SLC52A3: variants seen among roughly 807,000 people sequenced by gnomAD.
The protein encoded by SLC52A3 is solute carrier family 52, riboflavin transporter, member 3.
A neutral mutation model predicts 29.5 loss-of-function variants in SLC52A3; 20 were observed. That is an observed-to-expected ratio of 0.68 (90% CI 0.48 to 0.99). SLC52A3 has a LOEUF of 0.99. Among genes scored for constraint, SLC52A3 ranks in the 50% least tolerant of loss-of-function variants. SLC52A3 has a pLI of 0.00. For missense variants in SLC52A3, 548 were observed against 612.9 expected, an observed-to-expected ratio of 0.89 and a Z score of 1.12; for synonymous variants, 301 against 271.0, an observed-to-expected ratio of 1.11 and a Z score of -1.09.
At position 765,595 on chromosome 20, in the gene SLC52A3, C is replaced by T; in HGVS notation, c.180G>A (p.Leu60=). The change falls in exon 2 of 5, where the codon CTG becomes CTA. Residue 60 remains leucine (L), a synonymous_variant. Coordinates refer to ENST00000645534, the MANE Select transcript of SLC52A3 (RefSeq NM_033409.4). This position sits in a 1 kb window ranked among gnomAD's most constrained non-coding sequence, Gnocchi z 6.6. ...GGCAGCTGGGCCGGAAGTGATGGAG[C>T]AGGGTGACCAGGAGGGGCCCGATGT... The part of the protein sequence containing the change: ...LANIGPLLVT[L]LHHFRPSCLS... The T allele has an allele frequency of 6.3e-7, 1 of 1,592,546 alleles. No homozygotes were observed. Among genetic ancestry groups the T allele is most frequent in the Non-Finnish European group, 8.5e-7 (1 of 1,170,144 alleles).
rs1568715588 is a variant in SLC52A3, at chr20:760,795, A to G, written c.*231T>C. 1 of 579,168 alleles carries G rather than the reference A, an allele frequency of 1.7e-6. No individual in the cohort carries two copies. The highest frequency in any genetic ancestry group is 3.1e-6 in the Non-Finnish European group (1 of 325,932). The allele number at this position is 579,168 out of a possible 1,614,324, so 35.9% of individuals were successfully genotyped here. On this transcript the variant is annotated 3_prime_UTR_variant, in exon 5 of 5. Coordinates refer to ENST00000645534, the MANE Select transcript of SLC52A3 (RefSeq NM_033409.4). This position sits in a 1 kb window ranked among gnomAD's most constrained non-coding sequence, Gnocchi z 4.9. ...GCAAATCAGTCCTCTCTTGAGAGTC[A>G]AAGCAAAGGAGATCTGAGCTGGTCG...
At chr20:776,024 CCCCG>C (rs1488243177), upstream of SLC52A3, 2 of 152,466 alleles carry the variant, frequency 1.3e-5, no homozygotes, top group Admixed American at 1.3e-4. Context: ...ATAAAGCTGT[CCCCG>C]CCCAGAGCTC....
upstream of SLC52A3, chr20:768,666 T>C (rs1461353032): frequency 2.0e-5 from 3 of 152,244 alleles, no homozygotes; most frequent in Non-Finnish European, 4.4e-5. Context: ...TTTTCCTCTC[T>C]GGGAGGAGCC....
upstream of SLC52A3, among the ~76,000 whole-genome samples, chr20:778,692 TGA>T (rs1428815251): frequency 1.3e-5 from 2 of 151,878 alleles, no homozygotes; most frequent in African/African-American, 4.8e-5. Context: ...TTGCAGAGTG[TGA>T]GTTATGTGGC....
In SLC52A3 at chr20:765,262, C is replaced by T. The variant is rs997128771; in HGVS notation, c.513G>A (p.Glu171=). The T allele has an allele frequency of 6.2e-6, 10 of 1,614,056 alleles. No individual in the cohort carries two copies. The African/African-American group carries it at 8.0e-5, about 13-fold the overall frequency. ...SGLTTCVNVT[E]ISDSVPSPVP... ...CAGGGCTTGGTACGCTGTCTGATAT[C>T]TCAGTGACATTGACGCAGGTAGTGA... Residue 171 remains glutamate, a synonymous_variant, in exon 2 of 5, where the codon GAG becomes GAA. Transcript: ENST00000645534. This position sits in a 1 kb window ranked among gnomAD's most constrained non-coding sequence, Gnocchi z 6.6.
At position 760,848 on chromosome 20, in the gene SLC52A3, G is replaced by A. The variant is rs1986433158; in HGVS notation, c.*178C>T. ...ACAGGTAGTGTGACACAGAGTTGGG[G>A]ATAGAGCCGCACCTTGCATTTCCAG... On this transcript the variant is annotated 3_prime_UTR_variant, in exon 5 of 5. Transcript: ENST00000645534. The surrounding 1 kb of genome is among the most constrained non-coding windows in gnomAD (Gnocchi z 4.9). The A allele has an allele frequency of 4.7e-6, 3 of 638,420 alleles. No homozygotes were observed. The South Asian group carries it at 5.7e-5, about 12-fold the overall frequency. 39.5% of individuals were successfully genotyped at this position (638,420 alleles called of 1,614,324 possible).
intron 4 of SLC52A3, 34 bp from the exon 5 acceptor site, chr20:761,272 C>T (rs1451158007): frequency 2.0e-6 from 3 of 1,524,876 alleles, no homozygotes; most frequent in African/African-American, 1.4e-5. Context: ...TGCAGAGTCA[C>T]GGGGCTTGCG....
chr20:761,771 T>TA lies in SLC52A3; in HGVS notation c.1126dup (p.Tyr376LeufsTer131). Reference sequence around the variant, plus strand: ...GCTCATCACCGCCATGGCCATGTTGTAGCCCCCAAAGCAGGTCCCAAGCAC... The same window carrying TA: ...GCTCATCACCGCCATGGCCATGTTGTAAGCCCCCAAAGCAGGTCCCAAGCAC... On this transcript the variant is annotated frameshift_variant, in exon 4 of 5. Coordinates refer to ENST00000645534, the MANE Select transcript of SLC52A3 (RefSeq NM_033409.4). LOFTEE classifies it high-confidence loss of function. The TA allele has an allele frequency of 7.4e-6, 12 of 1,614,130 alleles. No homozygotes were observed. The highest frequency in any genetic ancestry group is 9.3e-6 in the Non-Finnish European group (11 of 1,179,988).
In SLC52A3 at chr20:763,650, C is replaced by T. The variant is rs1229634089; in HGVS notation, c.921G>A (p.Val307=). ...CGTTGGTGAGCGCGTTGACGAAGGCCACCAGGGTATAGATGAAGGCCAGGT... is the reference window on the plus strand; with the variant it reads ...CGTTGGTGAGCGCGTTGACGAAGGCTACCAGGGTATAGATGAAGGCCAGGT... ...PAHLAFIYTL[V]AFVNALTNGM... The change falls in exon 3 of 5, where the codon GTG becomes GTA. Residue 307 remains valine, a synonymous_variant. Transcript: ENST00000645534. 1.9e-6 allele frequency: 3 copies of T among 1,614,034 alleles called. No individual in the cohort carries two copies. The highest frequency in any genetic ancestry group is 3.3e-5 in the Admixed American group (2 of 60,010).
chr20:776,770 G>A (rs1362861995), upstream of SLC52A3, among the ~76,000 whole-genome samples: 1 of 151,846 alleles, frequency 6.6e-6, no homozygotes, highest in Non-Finnish European at 1.5e-5. Context: ...GGGGTGGCCA[G>A]GTAACAGGTG....
upstream of SLC52A3, among the ~76,000 whole-genome samples, chr20:779,297 G>A (rs1333050370): frequency 6.6e-6 from 1 of 152,164 alleles, no homozygotes; most frequent in Admixed American, 6.5e-5. Flanking sequence ...TTATAAAAGG[G>A]AATTTATGCA....
At position 761,773 on chromosome 20, in the gene SLC52A3, G is replaced by T. The variant is rs895712018; in HGVS notation, c.1125C>A (p.Gly375=). The part of the protein sequence containing the change: ...VLSVLGTCFG[G]YNMAMAVMSP... ...TCATCACCGCCATGGCCATGTTGTA[G>T]CCCCCAAAGCAGGTCCCAAGCACGG... The change falls in exon 4 of 5, where the codon GGC becomes GGA. Residue 375 remains glycine, a synonymous_variant. Coordinates refer to ENST00000645534, the MANE Select transcript of SLC52A3 (RefSeq NM_033409.4). 1.2e-6 allele frequency: 2 copies of T among 1,614,168 alleles called. No individual in the cohort carries two copies. Among genetic ancestry groups the T allele is most frequent in the South Asian group, 1.1e-5 (1 of 91,082 alleles).
upstream of SLC52A3, among the ~76,000 whole-genome samples, chr20:778,187 G>A (rs970050569): frequency 6.6e-6 from 1 of 152,038 alleles, no homozygotes. Context: ...AGCTAATTTT[G>A]TATTTGTAGT....
chr20:760,936 G>T lies in SLC52A3; in HGVS notation c.*90C>A. ...TTCATGATTCAATTACTCAGGCTCT[G>T]TCTCTCTGTTCCTGCCCCTTGCTCT... On this transcript the variant is annotated 3_prime_UTR_variant, in exon 5 of 5. Transcript: ENST00000645534. The surrounding 1 kb of genome is among the most constrained non-coding windows in gnomAD (Gnocchi z 4.9). 7.7e-7 allele frequency: 1 copy of T among 1,306,274 alleles called. No individual in the cohort carries two copies. The highest frequency in any genetic ancestry group is 1.1e-6 in the Non-Finnish European group (1 of 933,122). 80.9% of individuals were successfully genotyped at this position (1,306,274 alleles called of 1,614,324 possible).
chr20:763,803 G>T lies in SLC52A3; in HGVS notation c.768C>A (p.Leu256=). The T allele has an allele frequency of 6.2e-7, 1 of 1,614,110 alleles. No homozygotes were observed. Among genetic ancestry groups the T allele is most frequent in the Non-Finnish European group, 8.5e-7 (1 of 1,179,980 alleles). ...TGGAGTGGAGGGTGACCTGGTCATT[G>T]AGGAGGTCTTCCACGGAAGCCTCCC... ...RCWEASVEDL[L]NDQVTLHSIR... Residue 256 remains leucine, a synonymous_variant, in exon 3 of 5, where the codon CTC becomes CTA. Transcript: ENST00000645534.
At chr20:775,894 C>A (rs572165188) in intron 1 of SLC52A3, 1 of 152,584 alleles carries the variant, frequency 6.6e-6, no homozygotes, top group South Asian at 2.1e-4. Context: ...AGCTAGCAGG[C>A]AGCCTTGGTA....
upstream of SLC52A3, among the ~76,000 whole-genome samples, chr20:771,977 T>A (rs1245714087): frequency 1.3e-5 from 2 of 152,108 alleles, no homozygotes; most frequent in African/African-American, 4.8e-5. Context: ...AAGCAATAAA[T>A]GATATACCTA....
In SLC52A3 at chr20:763,893, G is replaced by T; in HGVS notation, c.678C>A (p.Leu226=). ...AHFSPLVFFL[L]LSIMMACCLV... ...GGCAGCAGGCCATCATGATGGATAGGAGGAGGAAGAAGACCAGGGGTGAGA... is the reference window on the plus strand; with the variant it reads ...GGCAGCAGGCCATCATGATGGATAGTAGGAGGAAGAAGACCAGGGGTGAGA... The change falls in exon 3 of 5, where the codon CTC becomes CTA. Residue 226 remains leucine, a synonymous_variant. Transcript: ENST00000645534. 1 of 1,614,150 alleles carries T rather than the reference G, an allele frequency of 6.2e-7. No homozygotes were observed. The highest frequency in any genetic ancestry group is 8.5e-7 in the Non-Finnish European group (1 of 1,180,014).
At chr20:764,847 C>T (rs2122522885) in intron 2 of SLC52A3, among the ~76,000 whole-genome samples, 1 of 152,244 alleles carries the variant, frequency 6.6e-6, no homozygotes, top group African/African-American at 2.4e-5. Context: ...CCTTTATCAC[C>T]CGAGGAACTT....
Sources: gnomAD v4.1 joint callset for allele counts (sites outside exome capture counted in the v4.1 genomes callset) on GRCh38, gnomAD v4.1.1 for gene constraint, Gnocchi (gnomAD v3.1) non-coding constraint, MANE v1.5 for transcripts, NCBI Gene and HGNC (gene_info 2026-07-23, HGNC 2026-07-21) for gene names.